The following TENM2 variants were observed in gnomAD, a reference collection of about 807,000 sequenced individuals.
TENM2 encodes the protein teneurin-2.
TENM2 carries 52 observed loss-of-function variants against 245.2 expected under a neutral mutation model. The ratio of observed to expected loss-of-function variants is 0.21; its 90% confidence interval spans 0.17 to 0.27. TENM2 has a LOEUF of 0.27. Among genes scored for constraint, TENM2 ranks in the 10% least tolerant of loss-of-function variants. The pLI is 1.00. For missense variants in TENM2, 3,046 were observed against 3,666.8 expected, an observed-to-expected ratio of 0.83 and a Z score of 4.37; for synonymous variants, 1,363 against 1,438.9, an observed-to-expected ratio of 0.95 and a Z score of 1.19.
chr5:167,397,505 C>G (rs11750022), intron 2 of TENM2, among the ~76,000 whole-genome samples: 1 of 151,822 alleles, frequency 6.6e-6, no homozygotes, highest in Non-Finnish European at 1.5e-5. Flanking sequence ...ATTGAGTATG[C>G]GTGTGTCCAT....
At chr5:167,479,816 T>C (rs1227801654) in intron 2 of TENM2, among the ~76,000 whole-genome samples, 1 of 152,128 alleles carries the variant, frequency 6.6e-6, no homozygotes, top group Non-Finnish European at 1.5e-5. Context: ...CAGTAAAATG[T>C]TTGGTGAAAT....
intron 2 of TENM2, among the ~76,000 whole-genome samples, chr5:167,436,765 G>A (rs1427423622): frequency 6.6e-6 from 1 of 152,086 alleles, no homozygotes; most frequent in Non-Finnish European, 1.5e-5. Context: ...ACTAAAAGGG[G>A]CCAAGGTGCA....
intron 2 of TENM2, among the ~76,000 whole-genome samples, chr5:167,754,089 T>C (rs1762129148): frequency 6.6e-6 from 1 of 151,974 alleles, no homozygotes; most frequent in African/African-American, 2.4e-5. Flanking sequence ...AAAAAGAAAA[T>C]TACAAAAATA....
chr5:167,461,094 A>G (rs1766264654), intron 2 of TENM2, among the ~76,000 whole-genome samples: 1 of 152,196 alleles, frequency 6.6e-6, no homozygotes. Context: ...TTTAAGCATT[A>G]TGCGTCAATA....
the TENM2 span, among the ~76,000 whole-genome samples, chr5:167,194,256 T>G: frequency 6.6e-6 from 1 of 152,120 alleles, no homozygotes; most frequent in Non-Finnish European, 1.5e-5. Context: ...TTAAAAAACA[T>G]ATCAGACTCA....
At chr5:167,477,342 G>A (rs534716375) in intron 2 of TENM2, among the ~76,000 whole-genome samples, 3 of 149,680 alleles carry the variant, frequency 2.0e-5, no homozygotes, top group South Asian at 2.1e-4. Flanking sequence ...GGAACCAGCC[G>A]TTTTCCTCTT....
At chr5:167,365,140 A>C (rs1466275515) in intron 1 of TENM2, among the ~76,000 whole-genome samples, 1 of 152,068 alleles carries the variant, frequency 6.6e-6, no homozygotes, top group Non-Finnish European at 1.5e-5. Flanking sequence ...AATCGGTATC[A>C]ATCAGACAAG....
chr5:167,950,924 A>G (rs1188532343), intron 3 of TENM2, among the ~76,000 whole-genome samples: 1 of 152,254 alleles, frequency 6.6e-6, no homozygotes, highest in African/African-American at 2.4e-5. Context: ...ATACAACTGT[A>G]CAGTGGTATT....
At chr5:167,391,228 G>A (rs138196144) in intron 2 of TENM2, among the ~76,000 whole-genome samples, 32 of 152,218 alleles carry the variant, frequency 2.1e-4, no homozygotes, top group Admixed American at 1.8e-3. Context: ...GGGAAATGGT[G>A]TAGCCTTCAC....
At chr5:167,596,728 G>A (rs1334200640) in intron 2 of TENM2, among the ~76,000 whole-genome samples, 4 of 151,122 alleles carry the variant, frequency 2.6e-5, no homozygotes, top group South Asian at 2.1e-4. Flanking sequence ...CCCGGGAGGC[G>A]GAGCTTGCAG....
At chr5:167,957,558 G>A (rs1193878519) in intron 4 of TENM2, among the ~76,000 whole-genome samples, 5 of 152,126 alleles carry the variant, frequency 3.3e-5, no homozygotes. Flanking sequence ...TCTTTGAATT[G>A]TGATGTTAGG....
chr5:168,155,087 G>T (rs537273689), intron 12 of TENM2, among the ~76,000 whole-genome samples: 22 of 152,224 alleles, frequency 1.4e-4, no homozygotes, highest in South Asian at 1.0e-3. Flanking sequence ...CAGAGACCAG[G>T]GTGATTCTTT....
intron 2 of TENM2, among the ~76,000 whole-genome samples, chr5:167,817,592 C>G (rs1042984236): frequency 1.3e-5 from 2 of 152,048 alleles, no homozygotes; most frequent in African/African-American, 2.4e-5. Flanking sequence ...AAAGTAGAAC[C>G]TTTTCTCTAC....
At chr5:168,203,485 A>T (rs1762094378) in intron 17 of TENM2, among the ~76,000 whole-genome samples, 1 of 152,176 alleles carries the variant, frequency 6.6e-6, no homozygotes, top group African/African-American at 2.4e-5. Context: ...GTAAAGTTTC[A>T]AGGTTGAGTT....
In TENM2 at chr5:167,487,527, T is replaced by C. The variant is rs184335300; in HGVS notation, c.502+112054T>C. ...GCACATGCTACGTGTGTGTTTAGTGTATATGTGTATTTGTTAGTGAACTTT... is the reference window on the plus strand; with the variant it reads ...GCACATGCTACGTGTGTGTTTAGTGCATATGTGTATTTGTTAGTGAACTTT... On this transcript the variant is annotated intron_variant, in intron 2 of 28. Transcript: ENST00000518659. 4.1e-4 allele frequency among the ~76,000 whole-genome samples: 63 copies of C among 152,340 alleles called. 1 individual carries two copies. In the East Asian group the frequency reaches 0.012, roughly 29 times the overall value.
chr5:168,201,325 T>C (rs1043671198), intron 17 of TENM2, among the ~76,000 whole-genome samples: 4 of 151,938 alleles, frequency 2.6e-5, no homozygotes, highest in African/African-American at 9.7e-5. Flanking sequence ...TATACAGATA[T>C]ATATATGTAT....
chr5:167,201,866 G>C, the TENM2 span, among the ~76,000 whole-genome samples: 15 of 152,156 alleles, frequency 9.9e-5, no homozygotes, highest in Middle Eastern at 3.2e-3. Flanking sequence ...TCTCTCCACT[G>C]TTTTTAGTCC....
intron 3 of TENM2, among the ~76,000 whole-genome samples, chr5:167,901,428 A>G (rs1775696692): frequency 6.6e-6 from 1 of 152,222 alleles, no homozygotes; most frequent in Admixed American, 6.5e-5. Context: ...GGACACTTCT[A>G]TCATATGGAA....
chr5:167,115,728 C>T, the TENM2 span, among the ~76,000 whole-genome samples: 20 of 151,996 alleles, frequency 1.3e-4, no homozygotes, highest in Admixed American at 7.2e-4. Context: ...TGTGAGAAAA[C>T]GTAGCTTAAG....
Sources: allele counts gnomAD v4.1 joint callset (sites outside exome capture counted in the v4.1 genomes callset), GRCh38; gene constraint gnomAD v4.1.1; transcripts MANE v1.5; gene names NCBI Gene and HGNC (gene_info 2026-07-23, HGNC 2026-07-21).